MRPL10: variants seen among roughly 807,000 people sequenced by gnomAD.
MRPL10 encodes large ribosomal subunit protein uL10m.
A neutral mutation model predicts 19.8 loss-of-function variants in MRPL10; 14 were observed. That is an observed-to-expected ratio of 0.71 (90% confidence interval 0.47 to 1.11). The LOEUF (loss-of-function observed/expected upper bound fraction) is 1.11. MRPL10 is among the 50% of genes least tolerant of loss of function. The pLI, the probability that MRPL10 is intolerant of heterozygous loss-of-function variation, is 0.00. For missense variants in MRPL10, 318 were observed against 339.6 expected, an observed-to-expected ratio of 0.94 and a Z score of 0.50; for synonymous variants, 129 against 139.2, an observed-to-expected ratio of 0.93 and a Z score of 0.52.
intron 4 of MRPL10, among the ~76,000 whole-genome samples, chr17:47,825,899 G>C (rs2033524247): frequency 6.6e-6 from 1 of 152,006 alleles, no homozygotes; most frequent in Non-Finnish European, 1.5e-5. Flanking sequence ...CAGCACTTTG[G>C]GAGGCTGAGG....
Position 47,823,859 on chromosome 17 carries a change from C to T in MRPL10, c.*346G>A. The T allele has an allele frequency of 5.7e-6, 2 of 348,188 alleles. No individual in the cohort carries two copies. The highest frequency in any genetic ancestry group is 4.9e-5 in the South Asian group (2 of 40,896). 21.6% of individuals were successfully genotyped at this position (348,188 alleles called of 1,614,324 possible). ...GCTACTGTGGCAGTGGCAGGTTGTG[C>T]CCCAAGGGGGTGGGCTCAGGAGCCC... On this transcript the variant is annotated 3_prime_UTR_variant, in exon 5 of 5. Transcript: ENST00000351111.
At chr17:47,828,127 T>C (rs778012876) in intron 2 of MRPL10, among the ~76,000 whole-genome samples, 93 of 148,516 alleles carry the variant, frequency 6.3e-4, no homozygotes, top group Non-Finnish European at 1.1e-3. Context: ...CACTTGAACC[T>C]GGGAGGCAGA....
chr17:47,831,507 G>A lies in MRPL10; in HGVS notation c.5C>T (p.Ala2Val), dbSNP rs942918036. The part of the protein sequence containing the change: M[A>V]AAVAGMLRGG... ...TCGCAGCATCCCCGCCACGGCCGCA[G>A]CCATCTCCACCGGAAGAATGGACGG... Residue 2 changes from alanine to valine, a missense_variant, in exon 1 of 5, where the codon GCT becomes GTT. Transcript: ENST00000351111. 3.2e-6 allele frequency: 5 copies of A among 1,550,094 alleles called. No individual in the cohort carries two copies. Among genetic ancestry groups the A allele is most frequent in the Middle Eastern group, 1.7e-4 (1 of 5,844 alleles).
At position 47,831,455 on chromosome 17, in the gene MRPL10, C is replaced by T. The variant is rs1317880238; in HGVS notation, c.52+5G>A. On this transcript the variant is annotated splice_donor_5th_base_variant and intron_variant, in intron 1 of 4. Coordinates refer to ENST00000351111, the MANE Select transcript of MRPL10 (RefSeq NM_145255.4). ...CACGCCGTGAGGACCTGGGCCACTC[C>T]TTACCCGCCTGGGGCAGGAGACCCC... 4 of 1,548,870 alleles carry T rather than the reference C, an allele frequency of 2.6e-6. No individual in the cohort carries two copies.
Position 47,823,677 on chromosome 17 carries a change from C to T in MRPL10, c.*528G>A. ...GTTCTGCCACTTACTAACTGCATGA[C>T]CTTGAGCAAGCCACTTAATTTCTCT... On this transcript the variant is annotated 3_prime_UTR_variant, in exon 5 of 5. Transcript: ENST00000351111. 1 of 163,582 alleles carries T rather than the reference C, an allele frequency of 6.1e-6. No homozygotes were observed. Among genetic ancestry groups the T allele is most frequent in the Non-Finnish European group, 1.4e-5 (1 of 73,874 alleles). The allele number at this position is 163,582 out of a possible 1,614,324, so 10.1% of individuals were successfully genotyped here. A position where few individuals can be genotyped will look rare whatever the true frequency, so the allele number is the denominator to read the frequency against.
In MRPL10 at chr17:47,827,028, C is replaced by T; in HGVS notation, c.387+12G>A. 6.2e-7 allele frequency: 1 copy of T among 1,602,988 alleles called. No individual in the cohort carries two copies. The highest frequency in any genetic ancestry group is 8.5e-7 in the Non-Finnish European group (1 of 1,174,098). On this transcript the variant is annotated intron_variant, in intron 3 of 4. Transcript: ENST00000351111. Reference sequence around the variant, plus strand: ...AAGATGGGCAACCCATGCCAAGGGGCCTGCTCCCTACCTGGTTGGGGAAGA... The same window carrying T: ...AAGATGGGCAACCCATGCCAAGGGGTCTGCTCCCTACCTGGTTGGGGAAGA...
At chr17:47,825,220 T>C (rs1282440483) in intron 4 of MRPL10, among the ~76,000 whole-genome samples, 1 of 151,804 alleles carries the variant, frequency 6.6e-6, no homozygotes, top group Non-Finnish European at 1.5e-5. Flanking sequence ...TCCCAGCTAC[T>C]TGGGAGGCTG....
At chr17:47,826,595 C>A in intron 4 of MRPL10, 42 bp downstream of exon 4, 1 of 1,608,194 alleles carries the variant, frequency 6.2e-7, no homozygotes, top group Non-Finnish European at 8.5e-7. Context: ...GGCAGCAGGC[C>A]CCTCTTCACC....
intron 4 of MRPL10, 94 bp from the exon 5 acceptor site, chr17:47,824,552 T>C (rs2033499564): frequency 2.8e-6 from 4 of 1,431,102 alleles, no homozygotes; most frequent in South Asian, 1.5e-5. Flanking sequence ...TCCATTGCCC[T>C]TCTCAAAATC....
At position 47,823,956 on chromosome 17, in the gene MRPL10, C is replaced by CTGGAGAATGGAGAGACT; in HGVS notation, c.*232_*248dup. 1 of 535,218 alleles carries CTGGAGAATGGAGAGACT rather than the reference C, an allele frequency of 1.9e-6. No individual in the cohort carries two copies. Among genetic ancestry groups the CTGGAGAATGGAGAGACT allele is most frequent in the Non-Finnish European group, 3.3e-6 (1 of 300,526 alleles). The allele number at this position is 535,218 out of a possible 1,614,324, so 33.2% of individuals were successfully genotyped here. On this transcript the variant is annotated 3_prime_UTR_variant, in exon 5 of 5. Coordinates refer to ENST00000351111, the MANE Select transcript of MRPL10 (RefSeq NM_145255.4). ...TCTTTTCAGGATCTCTGCCTTGGAC[C>CTGGAGAATGGAGAGACT]TGGAGAATGGAGAGACTTTGCTCCT...
At chr17:47,830,127 G>A (rs985220581) in intron 1 of MRPL10, among the ~76,000 whole-genome samples, 8 of 152,232 alleles carry the variant, frequency 5.3e-5, no homozygotes, top group Middle Eastern at 6.8e-3. Context: ...CACTCTAACC[G>A]CTGCTCTGAC....
At position 47,827,178 on chromosome 17, in the gene MRPL10, G is replaced by A; in HGVS notation, c.249C>T (p.Arg83=). The A allele has an allele frequency of 1.2e-6, 2 of 1,612,854 alleles. No homozygotes were observed. Among genetic ancestry groups the A allele is most frequent in the Non-Finnish European group, 8.5e-7 (1 of 1,179,332 alleles). The change falls in exon 3 of 5, where the codon CGC becomes CGT. Residue 83 remains arginine (R), a synonymous_variant. Transcript: ENST00000351111. ...CCTGGAAAACTGCTGCTATCTCCCG[G>A]CGGAGAAGCCTGATGAGGCCTATCT... The part of the protein sequence containing the change: ...QEEIGLIRLL[R]REIAAVFQDN...
rs2033538200 is a variant in MRPL10 at position 47,826,695 on chromosome 17, C to G, written c.474G>C (p.Glu158Asp). The G allele has an allele frequency of 6.2e-7, 1 of 1,614,090 alleles. No individual in the cohort carries two copies. Among genetic ancestry groups the G allele is most frequent in the Non-Finnish European group, 8.5e-7 (1 of 1,180,058 alleles). Residue 158 changes from glutamate (E) to aspartate (D), a missense_variant, in exon 4 of 5, where the codon GAG (glutamate) becomes GAC (aspartate). By Grantham distance (45) the Glu-to-Asp change is conservative. Transcript: ENST00000351111. ...VGHNMLLVSE[E>D]PKVKEMVRIL... ...TCCGTACCATCTCCTTGACCTTGGGCTCTTCACTGACCAGCAGCATGTTGT... is the reference window on the plus strand; with the variant it reads ...TCCGTACCATCTCCTTGACCTTGGGGTCTTCACTGACCAGCAGCATGTTGT...
intron 2 of MRPL10, among the ~76,000 whole-genome samples, chr17:47,827,894 CAAAAAAAAAAAA>C (rs60303077): frequency 4.8e-4 from 22 of 45,712 alleles, no homozygotes; most frequent in Admixed American, 2.0e-3. Context: ...CTCTGTCTCA[CAAAAAAAAAAAA>C]AAAAAAAAAA....
rs770335976 is a variant in MRPL10, at chr17:47,827,156, G to T, written c.271C>A (p.Gln91Lys). ...LLRREIAAVF[Q>K]DNRMIAVCQN... ...CAGACGGCTATCATTCGGTTGTCCTGGAAAACTGCTGCTATCTCCCGGCGG... is the reference window on the plus strand; with the variant it reads ...CAGACGGCTATCATTCGGTTGTCCTTGAAAACTGCTGCTATCTCCCGGCGG... Residue 91 changes from glutamine (Q) to lysine (K), a missense_variant, in exon 3 of 5, where the codon CAG (glutamine) becomes AAG (lysine). Gln to Lys is a moderately conservative substitution (Grantham distance 53). Coordinates refer to ENST00000351111, the MANE Select transcript of MRPL10 (RefSeq NM_145255.4). 3.1e-6 allele frequency: 5 copies of T among 1,614,078 alleles called. No homozygotes were observed. In the South Asian group the frequency reaches 5.5e-5, roughly 18 times the overall value.
chr17:47,825,393 C>T (rs1211836323), intron 4 of MRPL10, among the ~76,000 whole-genome samples: 1 of 152,074 alleles, frequency 6.6e-6, no homozygotes, highest in African/African-American at 2.4e-5. Flanking sequence ...CTTCAGGAGG[C>T]CAAGGTGGCA....
chr17:47,827,622 C>T (rs771189612), intron 2 of MRPL10, among the ~76,000 whole-genome samples: 3 of 152,070 alleles, frequency 2.0e-5, no homozygotes, highest in Non-Finnish European at 1.5e-5. Context: ...CTTGGCTGGG[C>T]GCGGTGGCTC....
At chr17:47,831,388 T>A in intron 1 of MRPL10, 72 bp downstream of exon 1, 1 of 1,544,630 alleles carries the variant, frequency 6.5e-7, no homozygotes, top group Non-Finnish European at 8.7e-7. Flanking sequence ...GAAGAATCAG[T>A]AGTAGAGGAG....
intron 2 of MRPL10, 47 bp downstream of exon 2, chr17:47,828,454 A>G (rs772288967): frequency 2.3e-6 from 3 of 1,329,372 alleles, no homozygotes; most frequent in Non-Finnish European, 3.0e-6. Flanking sequence ...GATTACTTTA[A>G]TCCACCATCC....
Sources: gnomAD v4.1 joint callset for allele counts (sites outside exome capture counted in the v4.1 genomes callset) on GRCh38, gnomAD v4.1.1 for gene constraint, MANE v1.5 for transcripts, NCBI Gene and HGNC (gene_info 2026-07-23, HGNC 2026-07-21) for gene names.